Variants in DRC11 observed in about 807,000 individuals in gnomAD.
The protein encoded by DRC11 is dynein regulatory complex subunit 11, also known as IQ and AAA domain-containing protein 1.
the DRC11 span, among the ~76,000 whole-genome samples, chr2:236,372,781 T>C: frequency 1.3e-5 from 2 of 152,076 alleles, no homozygotes; most frequent in South Asian, 2.1e-4. This position sits in a 1 kb window ranked among gnomAD's most constrained non-coding sequence, Gnocchi z 4.5. Flanking sequence ...AGCTACTTTT[T>C]ATTTTTTATT....
At chr2:236,448,304 C>T in the DRC11 span, among the ~76,000 whole-genome samples, 3 of 152,150 alleles carry the variant, frequency 2.0e-5, no homozygotes, top group African/African-American at 7.2e-5. This position sits in a 1 kb window ranked among gnomAD's most constrained non-coding sequence, Gnocchi z 5.3. Context: ...TAGGGAGGAC[C>T]TCTCTGATAT....
the DRC11 span, among the ~76,000 whole-genome samples, chr2:236,470,926 A>G: frequency 6.6e-6 from 1 of 152,218 alleles, no homozygotes; most frequent in South Asian, 2.1e-4. This position sits in a 1 kb window ranked among gnomAD's most constrained non-coding sequence, Gnocchi z 5.1. Context: ...ACTGGGTTAT[A>G]AGAGGTCTAG....
At chr2:236,343,276 A>T in the DRC11 span, among the ~76,000 whole-genome samples, 1 of 152,140 alleles carries the variant, frequency 6.6e-6, no homozygotes, top group East Asian at 1.9e-4. This position sits in a 1 kb window ranked among gnomAD's most constrained non-coding sequence, Gnocchi z 6.6. Context: ...TCTCAGGAGG[A>T]ACATTCCCGT....
the DRC11 span, among the ~76,000 whole-genome samples, chr2:236,490,506 C>A: frequency 1.8e-4 from 27 of 152,142 alleles, no homozygotes; most frequent in Admixed American, 1.8e-3. The surrounding 1 kb of genome is among the most constrained non-coding windows in gnomAD (Gnocchi z 5.5). Flanking sequence ...ATGCACTTGT[C>A]AAGTTAGAGT....
At chr2:236,358,212 ATATAT>A in the DRC11 span, among the ~76,000 whole-genome samples, 1,856 of 128,852 alleles carry the variant, frequency 0.014, 16 homozygotes, top group Non-Finnish European at 0.022. Context: ...TACTATATGA[ATATAT>A]TATATACTGT....
At chr2:236,505,662 C>A in the DRC11 span, among the ~76,000 whole-genome samples, 2 of 152,124 alleles carry the variant, frequency 1.3e-5, no homozygotes. Flanking sequence ...TCGTTCCAGG[C>A]CACCTCCAGA....
chr2:236,402,461 G>A, the DRC11 span, among the ~76,000 whole-genome samples: 1 of 152,230 alleles, frequency 6.6e-6, no homozygotes, highest in East Asian at 1.9e-4. This position sits in a 1 kb window ranked among gnomAD's most constrained non-coding sequence, Gnocchi z 6.0. Flanking sequence ...AGGTCACCAG[G>A]AAGCAAGGAA....
the DRC11 span, among the ~76,000 whole-genome samples, chr2:236,383,086 C>T: frequency 2.3e-4 from 35 of 152,142 alleles, no homozygotes; most frequent in African/African-American, 8.2e-4. Context: ...TTTTGTTTTC[C>T]AGGATCCCAG....
the DRC11 span, among the ~76,000 whole-genome samples, chr2:236,410,955 C>T: frequency 6.9e-6 from 1 of 145,980 alleles, no homozygotes; most frequent in Non-Finnish European, 1.5e-5. Context: ...AGAAGAAAAC[C>T]TAGGCATTAC....
the DRC11 span, among the ~76,000 whole-genome samples, chr2:236,357,041 A>C: frequency 2.0e-4 from 13 of 64,526 alleles, 1 homozygote; most frequent in South Asian, 4.7e-3. Context: ...TTATATATTC[A>C]TATATTATAT....
At chr2:236,451,338 T>G in the DRC11 span, among the ~76,000 whole-genome samples, 2 of 151,720 alleles carry the variant, frequency 1.3e-5, no homozygotes, top group African/African-American at 4.8e-5. Flanking sequence ...GCTGTCTTGT[T>G]TAAAATAAAA....
the DRC11 span, among the ~76,000 whole-genome samples, chr2:236,383,623 T>C: frequency 6.6e-6 from 1 of 151,908 alleles, no homozygotes; most frequent in Admixed American, 6.5e-5. Flanking sequence ...TCTTGGTATG[T>C]TGTGTGGTCA....
At chr2:236,435,355 G>A in the DRC11 span, among the ~76,000 whole-genome samples, 4 of 152,230 alleles carry the variant, frequency 2.6e-5, no homozygotes, top group Non-Finnish European at 5.9e-5. Context: ...CTGGCCGGCC[G>A]CCTGCCCATT....
chr2:236,322,320 C>T, the DRC11 span, among the ~76,000 whole-genome samples: 4 of 150,834 alleles, frequency 2.7e-5, no homozygotes, highest in African/African-American at 4.9e-5. Flanking sequence ...CTGCAAGCTC[C>T]GCCTCCCGGG....
At chr2:236,351,753 C>G in the DRC11 span, among the ~76,000 whole-genome samples, 2 of 151,478 alleles carry the variant, frequency 1.3e-5, no homozygotes, top group South Asian at 2.1e-4. The surrounding 1 kb of genome is among the most constrained non-coding windows in gnomAD (Gnocchi z 7.3). Context: ...AAGATGAGAG[C>G]CCGCAGCGGG....
the DRC11 span, among the ~76,000 whole-genome samples, chr2:236,318,812 GC>G: frequency 6.6e-6 from 1 of 152,078 alleles, no homozygotes; most frequent in Admixed American, 6.5e-5. The surrounding 1 kb of genome is among the most constrained non-coding windows in gnomAD (Gnocchi z 7.0). Context: ...TCTGAAATTA[GC>G]CCAGCCCAGC....
the DRC11 span, among the ~76,000 whole-genome samples, chr2:236,470,551 C>T: frequency 2.6e-5 from 4 of 152,078 alleles, no homozygotes; most frequent in Non-Finnish European, 4.4e-5. The surrounding 1 kb of genome is among the most constrained non-coding windows in gnomAD (Gnocchi z 5.1). Flanking sequence ...CGGAATGCAC[C>T]GCTCCTCAGT....
the DRC11 span, chr2:236,363,988 G>A: frequency 6.2e-7 from 1 of 1,610,290 alleles, no homozygotes; most frequent in Middle Eastern, 1.7e-4. The surrounding 1 kb of genome is among the most constrained non-coding windows in gnomAD (Gnocchi z 5.6). Flanking sequence ...ACCTAAAAAA[G>A]GCAGAGGCAA....
At chr2:236,405,767 A>G in the DRC11 span, among the ~76,000 whole-genome samples, 4 of 152,246 alleles carry the variant, frequency 2.6e-5, no homozygotes, top group South Asian at 8.3e-4. This position sits in a 1 kb window ranked among gnomAD's most constrained non-coding sequence, Gnocchi z 4.6. Context: ...ACCACTACAT[A>G]CACTATACTT....
Sources: allele counts gnomAD v4.1 joint callset (sites outside exome capture counted in the v4.1 genomes callset), GRCh38; gene constraint gnomAD v4.1.1; non-coding constraint Gnocchi (gnomAD v3.1); transcripts MANE v1.5; gene names NCBI Gene and HGNC (gene_info 2026-07-23, HGNC 2026-07-21).